HSD17B6: variants seen among roughly 807,000 people sequenced by gnomAD.
HSD17B6 encodes the protein hydroxysteroid 17-beta dehydrogenase 6, also known as 17-beta-hydroxysteroid dehydrogenase type 6.
A neutral mutation model predicts 26.4 loss-of-function variants in HSD17B6; 16 were observed. That is an observed-to-expected ratio of 0.61 (90% CI 0.41 to 0.92). The LOEUF (loss-of-function observed/expected upper bound fraction) is 0.92. Among genes scored for constraint, HSD17B6 ranks in the 40% least tolerant of loss-of-function variants. The probability of loss-of-function intolerance (pLI) is 0.00; values close to 1 mark genes in which losing one functional copy is unlikely to be tolerated. For synonymous variants in HSD17B6, 139 were observed against 153.0 expected (o/e 0.91, Z 0.68); for missense variants, 357 against 386.1 (o/e 0.92, Z 0.63).
chr12:56,774,033 C>G lies in HSD17B6; in HGVS notation c.181C>G (p.Leu61Val). ...ARGLRVLAAC[L>V]TEKGAEQLRG... ...AGGCTTGAGAGTGCTGGCTGCGTGT[C>G]TGACGGAGAAGGGGGCCGAGCAGCT... is the stretch of plus-strand genomic sequence containing the variant. Residue 61 changes from leucine (L) to valine (V), a missense_variant, in exon 2 of 5, where the codon CTG (leucine) becomes GTG (valine). Coordinates refer to ENST00000322165, the MANE Select transcript of HSD17B6 (RefSeq NM_003725.4). The G allele has an allele frequency of 6.2e-7, 1 of 1,614,162 alleles. No homozygotes were observed. The highest frequency in any genetic ancestry group is 8.5e-7 in the Non-Finnish European group (1 of 1,180,030).
chr12:56,776,395 C>T (rs545352700), intron 2 of HSD17B6, among the ~76,000 whole-genome samples: 2 of 149,210 alleles, frequency 1.3e-5, no homozygotes, highest in African/African-American at 2.5e-5. Context: ...GCCTCACTCT[C>T]CTTGGTTCAA....
chr12:56,782,023 A>C lies in HSD17B6; in HGVS notation c.363A>C (p.Leu121Phe). The change falls in exon 3 of 5, where the codon TTA (leucine) becomes TTC (phenylalanine). Residue 121 changes from leucine (L) to phenylalanine (F), a missense_variant. Coordinates refer to ENST00000322165, the MANE Select transcript of HSD17B6 (RefSeq NM_003725.4). ...NNAGILTPIT[L>F]CEWLNTEDSM... ...CAGGCATTCTTACACCAATTACCTT[A>C]TGTGAGTGGCTGAACACTGAGGACT... The C allele has an allele frequency of 6.2e-7, 1 of 1,614,146 alleles. No homozygotes were observed. The highest frequency in any genetic ancestry group is 1.3e-5 in the African/African-American group (1 of 75,040).
intron 1 of HSD17B6, among the ~76,000 whole-genome samples, chr12:56,768,327 G>A (rs893372943): frequency 6.6e-6 from 1 of 152,114 alleles, no homozygotes; most frequent in African/African-American, 2.4e-5. Flanking sequence ...AATGGAAGGT[G>A]AAGTGCAAGG....
At chr12:56,779,918 A>T (rs569030184) in intron 2 of HSD17B6, among the ~76,000 whole-genome samples, 121 of 146,938 alleles carry the variant, frequency 8.2e-4, no homozygotes, top group Admixed American at 3.1e-3. Context: ...TCTTTTTTTT[A>T]AAAAAAAATT....
Position 56,787,314 on chromosome 12 carries a change from C to T in HSD17B6, c.926C>T (p.Ser309Phe), listed in dbSNP as rs913652774. The T allele has an allele frequency of 1.5e-5, 25 of 1,613,836 alleles. No individual in the cohort carries two copies. The highest frequency in any genetic ancestry group is 2.1e-5 in the Non-Finnish European group (25 of 1,179,878). The change falls in exon 5 of 5, where the codon TCT (serine) becomes TTT (phenylalanine). Residue 309 changes from serine to phenylalanine, a missense_variant. Coordinates refer to ENST00000322165, the MANE Select transcript of HSD17B6 (RefSeq NM_003725.4). ...CTGGCAGACTACATTTTGACTAGAT[C>T]TTGGCCCAAACCAGCCCAGGCAGTC... ...TSLADYILTR[S>F]WPKPAQAV
rs575793555 is a variant in HSD17B6, at chr12:56,785,319, C to T, written c.736+303C>T. On this transcript the variant is annotated intron_variant, in intron 4 of 4. Coordinates refer to ENST00000322165, the MANE Select transcript of HSD17B6 (RefSeq NM_003725.4). ...GAACCACCCCCATGATTCAGTACCT[C>T]CCACCAGGTCCCTCCCACGACATGT... 6.2e-4 allele frequency among the ~76,000 whole-genome samples: 95 copies of T among 152,286 alleles called. 3 individuals are homozygous for T. The South Asian group carries it at 0.019, about 31-fold the overall frequency.
At chr12:56,772,564 C>A (rs1163900988) in intron 1 of HSD17B6, among the ~76,000 whole-genome samples, 1 of 151,840 alleles carries the variant, frequency 6.6e-6, no homozygotes, top group Non-Finnish European at 1.5e-5. Flanking sequence ...GGCTTGGTGG[C>A]ACGTGCCTGT....
chr12:56,780,772 C>G (rs998638735), intron 2 of HSD17B6, among the ~76,000 whole-genome samples: 4 of 149,546 alleles, frequency 2.7e-5, no homozygotes, highest in African/African-American at 9.9e-5. Flanking sequence ...TGGGGTGAAC[C>G]CGGGGGGTGG....
chr12:56,763,783 C>T (rs1954257597), intron 1 of HSD17B6, among the ~76,000 whole-genome samples: 4 of 151,616 alleles, frequency 2.6e-5, no homozygotes, highest in South Asian at 2.1e-4. Context: ...TTTGGGTAAG[C>T]GGAAAGGGGC....
chr12:56,777,432 T>G lies in HSD17B6; in HGVS notation c.313+3267T>G, dbSNP rs891770475. Among the ~76,000 whole-genome samples, 5 of 148,856 alleles carry G rather than the reference T, an allele frequency of 3.4e-5. No individual in the cohort carries two copies. In the East Asian group the frequency reaches 9.8e-4, roughly 29 times the overall value. ...CCGGCTGGCGTGCAACGGCATGATC[T>G]CCGCTCACTGCAAACTCCGCCTCCC... On this transcript the variant is annotated intron_variant, in intron 2 of 4. Transcript: ENST00000322165.
At chr12:56,767,456 G>T (rs1193468572) in intron 1 of HSD17B6, among the ~76,000 whole-genome samples, 1 of 151,012 alleles carries the variant, frequency 6.6e-6, no homozygotes, top group Non-Finnish European at 1.5e-5. Flanking sequence ...GGCAGAGCTT[G>T]CAGTGAGCCG....
chr12:56,785,700 T>C (rs1954860219), intron 4 of HSD17B6, among the ~76,000 whole-genome samples: 1 of 152,242 alleles, frequency 6.6e-6, no homozygotes, highest in Non-Finnish European at 1.5e-5. Flanking sequence ...TTGGTAGCAT[T>C]GCAGGGCTGG....
At chr12:56,773,440 A>G (rs1443969010) in intron 1 of HSD17B6, among the ~76,000 whole-genome samples, 1 of 152,152 alleles carries the variant, frequency 6.6e-6, no homozygotes, top group East Asian at 1.9e-4. Context: ...AGAATTGTTT[A>G]TAGGTCTCAA....
chr12:56,773,796 A>G (rs1954527662), intron 1 of HSD17B6, 38 bp from the exon 2 acceptor site: 13 of 1,495,190 alleles, frequency 8.7e-6, no homozygotes, highest in Admixed American at 2.3e-5. Context: ...TTGGTTAAAT[A>G]ATAAGGAAGG....
intron 1 of HSD17B6, among the ~76,000 whole-genome samples, chr12:56,765,074 C>G (rs1039750017): frequency 6.6e-6 from 1 of 152,102 alleles, no homozygotes; most frequent in Non-Finnish European, 1.5e-5. Flanking sequence ...ATCTGCCTGC[C>G]TCGCATCCCA....
chr12:56,779,056 T>C (rs1954655129), intron 2 of HSD17B6, among the ~76,000 whole-genome samples: 1 of 150,726 alleles, frequency 6.6e-6, no homozygotes, highest in African/African-American at 2.5e-5. Context: ...AAGTAGCATA[T>C]AGCTGATATA....
intron 4 of HSD17B6, chr12:56,786,111 C>T (rs913326854): frequency 4.4e-6 from 1 of 229,214 alleles, no homozygotes; most frequent in East Asian, 1.8e-4. Flanking sequence ...TTGATTTGTA[C>T]ACTTTAAATG....
At chr12:56,768,767 C>CGGGGGGTGGGG (rs1954400751) in intron 1 of HSD17B6, among the ~76,000 whole-genome samples, 1 of 17,232 alleles carries the variant, frequency 5.8e-5, no homozygotes, top group Non-Finnish European at 1.1e-4. Flanking sequence ...TGGCGGTGGG[C>CGGGGGGTGGGG]GGGGGGGAGG....
intron 2 of HSD17B6, among the ~76,000 whole-genome samples, chr12:56,775,932 C>T (rs929466828): frequency 6.6e-6 from 1 of 152,128 alleles, no homozygotes; most frequent in African/African-American, 2.4e-5. Context: ...TAGTTGGAAT[C>T]ATATTTTTTT....
Sources: gnomAD v4.1 joint callset for allele counts (sites outside exome capture counted in the v4.1 genomes callset) on GRCh38, gnomAD v4.1.1 for gene constraint, MANE v1.5 for transcripts, NCBI Gene and HGNC (gene_info 2026-07-23, HGNC 2026-07-21) for gene names.